Variants in MBD5 observed in about 807,000 individuals in gnomAD.
MBD5 encodes methyl-CpG binding domain protein 5.
MBD5 carries 13 observed loss-of-function variants against 117.3 expected under a neutral mutation model. That is an observed-to-expected ratio of 0.11 (90% CI 0.07 to 0.18). The LOEUF (loss-of-function observed/expected upper bound fraction) is 0.18. MBD5 is among the 10% of genes least tolerant of loss of function. The probability of loss-of-function intolerance (pLI) is 1.00; values close to 1 mark genes in which losing one functional copy is unlikely to be tolerated. For synonymous variants in MBD5, 727 were observed against 766.4 expected (o/e 0.95, Z 0.85); for missense variants, 1,879 against 2,093.8 (o/e 0.90, Z 2.00).
intron 3 of MBD5, among the ~76,000 whole-genome samples, chr2:148,273,115 C>G (rs946931913): frequency 6.6e-6 from 1 of 152,104 alleles, no homozygotes; most frequent in African/African-American, 2.4e-5. Context: ...TTGAAATCAC[C>G]TTTGCAAAAA....
chr2:148,297,081 C>CCA (rs1701673253), intron 3 of MBD5, among the ~76,000 whole-genome samples: 1 of 151,794 alleles, frequency 6.6e-6, no homozygotes, highest in African/African-American at 2.4e-5. Context: ...AACGGGGTTT[C>CCA]ACCGTGTTGG....
At chr2:148,258,018 G>T (rs1336288730) in intron 3 of MBD5, among the ~76,000 whole-genome samples, 2 of 152,146 alleles carry the variant, frequency 1.3e-5, no homozygotes, top group Non-Finnish European at 2.9e-5. Context: ...AACTGTAGGG[G>T]CTATGGGTGC....
intron 1 of MBD5, among the ~76,000 whole-genome samples, chr2:148,108,734 G>T (rs1286949767): frequency 6.6e-6 from 1 of 151,976 alleles, no homozygotes; most frequent in African/African-American, 2.4e-5. Flanking sequence ...ACTCTATCTG[G>T]TATTTTAATT....
At chr2:148,149,728 T>C (rs1253798279) in intron 1 of MBD5, among the ~76,000 whole-genome samples, 4 of 152,230 alleles carry the variant, frequency 2.6e-5, no homozygotes, top group Non-Finnish European at 4.4e-5. Flanking sequence ...TTTGGCTGCA[T>C]AAATGTCTTC....
chr2:148,415,314 AG>A (rs1705384241), intron 4 of MBD5, among the ~76,000 whole-genome samples: 1 of 151,998 alleles, frequency 6.6e-6, no homozygotes, highest in African/African-American at 2.4e-5. Context: ...TCTGGCTTTT[AG>A]GGTTTCTGCT....
chr2:148,178,840 G>A, intron 2 of MBD5, 47 bp downstream of exon 2: 1 of 397,378 alleles, frequency 2.5e-6, no homozygotes, highest in Admixed American at 4.4e-5. Context: ...TAAATGGTTA[G>A]GGTTGTCAGA....
chr2:148,114,569 T>C (rs1696581864), intron 1 of MBD5, among the ~76,000 whole-genome samples: 1 of 152,188 alleles, frequency 6.6e-6, no homozygotes, highest in Non-Finnish European at 1.5e-5. Flanking sequence ...ATTTAATTGT[T>C]AGAGAAAACC....
chr2:148,076,971 T>C (rs1308235912), intron 1 of MBD5, among the ~76,000 whole-genome samples: 1 of 152,226 alleles, frequency 6.6e-6, no homozygotes, highest in African/African-American at 2.4e-5. Context: ...GCTAAGAATG[T>C]CTTTCACATT....
At chr2:148,149,392 A>G (rs543860336) in intron 1 of MBD5, among the ~76,000 whole-genome samples, 64 of 142,384 alleles carry the variant, frequency 4.5e-4, no homozygotes, top group African/African-American at 1.6e-3. Context: ...TAATGCCGCA[A>G]TAAACATACA....
intron 3 of MBD5, among the ~76,000 whole-genome samples, chr2:148,313,910 T>C (rs958775889): frequency 6.6e-6 from 1 of 152,026 alleles, no homozygotes; most frequent in Non-Finnish European, 1.5e-5. Context: ...TCTGACCCCT[T>C]GTACTTCCTG....
chr2:148,435,537 A>G (rs1706129744), intron 4 of MBD5, among the ~76,000 whole-genome samples: 1 of 151,952 alleles, frequency 6.6e-6, no homozygotes. Flanking sequence ...TTAGATGGAC[A>G]TTTTTTTCTT....
At chr2:148,449,763 G>A (rs1706669919) in intron 4 of MBD5, among the ~76,000 whole-genome samples, 1 of 151,958 alleles carries the variant, frequency 6.6e-6, no homozygotes, top group Non-Finnish European at 1.5e-5. Flanking sequence ...ATATTACTGG[G>A]CATGAAGCTT....
At chr2:148,055,702 G>A (rs997731335) in intron 1 of MBD5, 6 of 152,360 alleles carry the variant, frequency 3.9e-5, no homozygotes, top group African/African-American at 1.2e-4. Context: ...AAAGTGCTGG[G>A]ATTACAGTCG....
chr2:148,478,786 T>C (rs537454774), intron 8 of MBD5, among the ~76,000 whole-genome samples: 5 of 152,278 alleles, frequency 3.3e-5, no homozygotes, highest in Admixed American at 2.6e-4. Context: ...AATCATTTTT[T>C]CCCAGTAAAG....
At chr2:148,082,884 T>G (rs1177494465) in intron 1 of MBD5, among the ~76,000 whole-genome samples, 1 of 152,256 alleles carries the variant, frequency 6.6e-6, no homozygotes, top group Non-Finnish European at 1.5e-5. Flanking sequence ...AAAGTATTAT[T>G]AATAATTATA....
At chr2:148,251,116 G>T (rs1482965304) in intron 3 of MBD5, among the ~76,000 whole-genome samples, 1 of 151,936 alleles carries the variant, frequency 6.6e-6, no homozygotes, top group East Asian at 1.9e-4. Flanking sequence ...AATAAAAAAG[G>T]GTGTCGGGCA....
chr2:148,034,585 T>C (rs1694135442), intron 1 of MBD5, among the ~76,000 whole-genome samples: 1 of 152,220 alleles, frequency 6.6e-6, no homozygotes, highest in South Asian at 2.1e-4. Context: ...CGCCACTCAT[T>C]GTGCTAAAAG....
intron 3 of MBD5, among the ~76,000 whole-genome samples, chr2:148,274,867 C>T (rs553551347): frequency 7.6e-4 from 115 of 152,078 alleles, no homozygotes; most frequent in Middle Eastern, 3.4e-3. Context: ...GGATTATAGG[C>T]GCATGCCACC....
chr2:148,161,151 T>G, intron 1 of MBD5, among the ~76,000 whole-genome samples: 1 of 152,140 alleles, frequency 6.6e-6, no homozygotes, highest in Admixed American at 6.5e-5. Flanking sequence ...TTTCAAGAAA[T>G]TACTACTCTT....
Sources: allele counts gnomAD v4.1 joint callset (sites outside exome capture counted in the v4.1 genomes callset), GRCh38; gene constraint gnomAD v4.1.1; transcripts MANE v1.5; gene names NCBI Gene and HGNC (gene_info 2026-07-23, HGNC 2026-07-21).